Variants in TTBK1 observed in about 807,000 individuals in gnomAD.
TTBK1 encodes the protein tau-tubulin kinase 1.
Under a neutral mutation model 108.5 loss-of-function variants are expected in TTBK1, and 34 were observed. The observed-to-expected ratio is 0.31, with a 90% CI of 0.24 to 0.42. The LOEUF (loss-of-function observed/expected upper bound fraction) is 0.42. Among genes scored for constraint, TTBK1 ranks in the 10% least tolerant of loss-of-function variants. The pLI is 1.00. For missense variants in TTBK1, 1,539 were observed against 1,826.0 expected (o/e 0.84, Z 2.86); for synonymous variants, 809 against 795.1 (o/e 1.02, Z -0.29).
In TTBK1 at chr6:43,283,035, GGAGGAA is replaced by G. The variant is rs1019421391; in HGVS notation, c.2301_2306del (p.Glu770_Glu771del). On this transcript the variant is annotated inframe_deletion, in exon 14 of 15. Coordinates refer to ENST00000259750, the MANE Select transcript of TTBK1 (RefSeq NM_032538.3). This position sits in a 1 kb window ranked among gnomAD's most constrained non-coding sequence, Gnocchi z 8.1. ...AAGAGGAGGAGGAAGAAGAGGAGGA[GGAGGAA>G]GAGGAGGAGGAGGCTGCAGCGGCAG... 15 of 1,589,246 alleles carry G rather than the reference GGAGGAA, an allele frequency of 9.4e-6. No individual in the cohort carries two copies. Among genetic ancestry groups the G allele is most frequent in the African/African-American group, 1.3e-5 (1 of 74,316 alleles).
Position 43,269,826 on chromosome 6 carries a change from G to T in TTBK1, c.1986+6476G>T. On this transcript the variant is annotated intron_variant, in intron 13 of 14. Coordinates refer to ENST00000259750, the MANE Select transcript of TTBK1 (RefSeq NM_032538.3). This position sits in a 1 kb window ranked among gnomAD's most constrained non-coding sequence, Gnocchi z 4.8. ...CAGCCGCTCGGCTGAGAGCAGCCCT[G>T]TGCGGGCGCCCCACCGGCGCCACGC... 2 of 1,538,244 alleles carry T rather than the reference G, an allele frequency of 1.3e-6. No homozygotes were observed. The highest frequency in any genetic ancestry group is 1.7e-6 in the Non-Finnish European group (2 of 1,147,582).
Sources: gnomAD v4.1 joint callset for allele counts on GRCh38, gnomAD v4.1.1 for gene constraint, Gnocchi (gnomAD v3.1) non-coding constraint, MANE v1.5 for transcripts, NCBI Gene and HGNC (gene_info 2026-07-23, HGNC 2026-07-21) for gene names.